Variants in XPA observed in about 807,000 individuals in gnomAD.
XPA encodes the protein DNA repair protein complementing XP-A cells.
In XPA, 27 loss-of-function variants were observed where a neutral mutation model predicts 35.7. That is an observed-to-expected ratio of 0.76 (90% CI 0.56 to 1.04). The LOEUF (loss-of-function observed/expected upper bound fraction) is 1.04, where lower values mean the gene tolerates loss of function less well. Among genes scored for constraint, XPA ranks in the 50% least tolerant of loss-of-function variants. The probability of loss-of-function intolerance (pLI) is 0.00; values close to 1 mark genes in which losing one functional copy is unlikely to be tolerated. For missense variants in XPA, 354 were observed against 342.7 expected (o/e 1.03, Z -0.26); for synonymous variants, 133 against 118.4 (o/e 1.12, Z -0.80).
At chr9:97,674,349 A>G (rs900858344), downstream of XPA, among the ~76,000 whole-genome samples, 1 of 152,086 alleles carries the variant, frequency 6.6e-6, no homozygotes, top group Non-Finnish European at 1.5e-5. Flanking sequence ...ATACACAAAC[A>G]TTTCTGTGTA....
At position 97,697,269 on chromosome 9, in the gene XPA, C is replaced by T; in HGVS notation, c.24G>A (p.Leu8=). 6.3e-7 allele frequency: 1 copy of T among 1,599,080 alleles called. No homozygotes were observed. Among genetic ancestry groups the T allele is most frequent in the Non-Finnish European group, 8.5e-7 (1 of 1,179,186 alleles). MAAADGA[L]PEAAALEQPA... ...GTTGCTCTAAAGCCGCCGCCTCCGG[C>T]AAAGCCCCGTCGGCCGCCGCCATCT... is the stretch of plus-strand genomic sequence containing the variant. The change falls in exon 1 of 6, where the codon TTG becomes TTA. Residue 8 remains leucine, a synonymous_variant. Coordinates refer to ENST00000375128, the MANE Select transcript of XPA (RefSeq NM_000380.4).
chr9:97,655,496 C>T, the XPA span, among the ~76,000 whole-genome samples: 1 of 152,042 alleles, frequency 6.6e-6, no homozygotes, highest in Non-Finnish European at 1.5e-5. Context: ...TAGGTGCCCG[C>T]ACAAAACAGG....
intron 3 of XPA, among the ~76,000 whole-genome samples, chr9:97,687,486 A>G (rs993654616): frequency 6.6e-6 from 1 of 152,224 alleles, no homozygotes; most frequent in African/African-American, 2.4e-5. Context: ...CATTCCTAGC[A>G]AAGGGAACAG....
intron 2 of XPA, among the ~76,000 whole-genome samples, chr9:97,692,551 T>G (rs2131404495): frequency 6.6e-6 from 1 of 152,282 alleles, no homozygotes; most frequent in South Asian, 2.1e-4. Context: ...CCAGGATGCA[T>G]TAGAATGAAG....
chr9:97,668,811 A>C, the XPA span: 4 of 1,601,790 alleles, frequency 2.5e-6, no homozygotes, highest in Non-Finnish European at 3.4e-6. Flanking sequence ...TGGAATCTAA[A>C]TGGTATTTTC....
chr9:97,682,368 T>C (rs770791657), intron 5 of XPA: 2 of 518,944 alleles, frequency 3.9e-6, no homozygotes, highest in Non-Finnish European at 7.7e-6. Flanking sequence ...TTGTGTCTAA[T>C]CTCTACAGTG....
chr9:97,669,305 T>C, the XPA span, among the ~76,000 whole-genome samples: 1 of 152,206 alleles, frequency 6.6e-6, no homozygotes, highest in Non-Finnish European at 1.5e-5. Context: ...CATAGATTCC[T>C]GTTAAAATTT....
chr9:97,680,613 G>C (rs910758530), intron 5 of XPA, among the ~76,000 whole-genome samples: 1 of 152,156 alleles, frequency 6.6e-6, no homozygotes, highest in Non-Finnish European at 1.5e-5. Flanking sequence ...AAATATGTGT[G>C]TGTGAAAGAA....
the XPA span, chr9:97,661,067 C>T: frequency 6.2e-6 from 10 of 1,611,502 alleles, no homozygotes; most frequent in East Asian, 2.2e-5. Flanking sequence ...ATGATGACGA[C>T]GGTAAGTGGA....
intron 5 of XPA, among the ~76,000 whole-genome samples, chr9:97,684,557 T>C (rs1431820421): frequency 6.6e-6 from 1 of 152,214 alleles, no homozygotes; most frequent in African/African-American, 2.4e-5. Flanking sequence ...CTTTTCATTT[T>C]AAGCAATTAG....
At chr9:97,681,153 CAA>C (rs1828525976) in intron 5 of XPA, among the ~76,000 whole-genome samples, 2 of 152,196 alleles carry the variant, frequency 1.3e-5, no homozygotes, top group Admixed American at 1.3e-4. Context: ...CTTGGTTTTG[CAA>C]AAGAGGTGGT....
At chr9:97,657,172 T>C in the XPA span, among the ~76,000 whole-genome samples, 4 of 152,110 alleles carry the variant, frequency 2.6e-5, no homozygotes, top group Non-Finnish European at 5.9e-5. Flanking sequence ...TTCACTGTGT[T>C]AGCTGGGATG....
At chr9:97,693,627 A>G in intron 2 of XPA, 22 bp downstream of exon 2, 1 of 1,606,306 alleles carries the variant, frequency 6.2e-7, no homozygotes, top group Non-Finnish European at 8.5e-7. Context: ...CTAGATACTT[A>G]TTTTTGAAAA....
chr9:97,681,454 T>C (rs1450205224), intron 5 of XPA, among the ~76,000 whole-genome samples: 1 of 152,162 alleles, frequency 6.6e-6, no homozygotes, highest in East Asian at 1.9e-4. Context: ...GCCCACAATG[T>C]ACAATGTCCA....
At chr9:97,687,584 C>T (rs1246614392) in intron 3 of XPA, among the ~76,000 whole-genome samples, 3 of 152,026 alleles carry the variant, frequency 2.0e-5, no homozygotes, top group Admixed American at 1.3e-4. Flanking sequence ...CTGAAGTAAG[C>T]GATGGTGAGG....
intron 4 of XPA, 149 bp downstream of exon 4, chr9:97,686,946 TA>T: frequency 1.4e-6 from 1 of 719,704 alleles, no homozygotes; most frequent in South Asian, 2.1e-5. Context: ...AACATGTTAT[TA>T]AATGTCATTA....
intron 4 of XPA, among the ~76,000 whole-genome samples, chr9:97,686,581 G>T (rs984875425): frequency 2.0e-5 from 3 of 151,990 alleles, no homozygotes; most frequent in African/African-American, 4.8e-5. Flanking sequence ...TTTCCAAATT[G>T]TACTCTTAAC....
Position 97,675,138 on chromosome 9 carries a change from T to C in XPA, c.*301A>G, listed in dbSNP as rs757995180. 7.1e-6 allele frequency: 4 copies of C among 563,386 alleles called. No individual in the cohort carries two copies. Among genetic ancestry groups the C allele is most frequent in the Admixed American group, 6.5e-5 (3 of 45,882 alleles). The allele number at this position is 563,386 out of a possible 1,614,324, so 34.9% of individuals were successfully genotyped here. A position where few individuals can be genotyped will look rare whatever the true frequency, so the allele number is the denominator to read the frequency against. On this transcript the variant is annotated 3_prime_UTR_variant, in exon 6 of 6. Transcript: ENST00000375128. ...CCCCAATCTAGGGTTTGCCTTGGTATCTTGTCCTCAAATTTGTAGCTGACC... is the reference window on the plus strand; with the variant it reads ...CCCCAATCTAGGGTTTGCCTTGGTACCTTGTCCTCAAATTTGTAGCTGACC...
At chr9:97,666,448 A>G in the XPA span, among the ~76,000 whole-genome samples, 1 of 152,352 alleles carries the variant, frequency 6.6e-6, no homozygotes, top group East Asian at 1.9e-4. Context: ...TTCCATTTTT[A>G]ATGTTAATGT....
Sources: gnomAD v4.1 joint callset for allele counts (sites outside exome capture counted in the v4.1 genomes callset) on GRCh38, gnomAD v4.1.1 for gene constraint, MANE v1.5 for transcripts, NCBI Gene and HGNC (gene_info 2026-07-23, HGNC 2026-07-21) for gene names.